Variants in LAMA4 observed in about 807,000 individuals in gnomAD.
LAMA4 encodes the protein laminin subunit alpha-4.
A neutral mutation model predicts 207.1 loss-of-function variants in LAMA4; 127 were observed. The ratio of observed to expected loss-of-function variants is 0.61; its 90% confidence interval spans 0.53 to 0.71. The LOEUF (loss-of-function observed/expected upper bound fraction) is 0.71. LAMA4 is among the 30% of genes least tolerant of loss of function. LAMA4 has a pLI of 0.00. For synonymous variants in LAMA4, 761 were observed against 816.0 expected (o/e 0.93, Z 1.15); for missense variants, 2,093 against 2,246.5 (o/e 0.93, Z 1.38).
chr6:112,175,995 G>A (rs1263649612), intron 10 of LAMA4, among the ~76,000 whole-genome samples: 1 of 152,204 alleles, frequency 6.6e-6, no homozygotes, highest in East Asian at 1.9e-4. Context: ...GCCCAAATGA[G>A]AGCATATTGA....
Position 112,117,690 on chromosome 6 carries a change from C to G in LAMA4, c.4981+49G>C. 1 of 1,564,872 alleles carries G rather than the reference C, an allele frequency of 6.4e-7. No individual in the cohort carries two copies. Among genetic ancestry groups the G allele is most frequent in the Non-Finnish European group, 8.8e-7 (1 of 1,139,290 alleles). ...GCCTGATATTCCCTGTTAGCCATCT[C>G]CAGGAAGAAGCATTTCATGACTCAT... is the stretch of plus-strand genomic sequence containing the variant. On this transcript the variant is annotated intron_variant, in intron 35 of 38. Transcript: ENST00000230538. The surrounding 1 kb of genome is among the most constrained non-coding windows in gnomAD (Gnocchi z 4.5).
At chr6:112,245,102 G>A (rs1554188411) in intron 2 of LAMA4, among the ~76,000 whole-genome samples, 11 of 152,140 alleles carry the variant, frequency 7.2e-5, no homozygotes, top group Non-Finnish European at 1.5e-5. Flanking sequence ...AACCACCTAG[G>A]ACTCAGGACA....
intron 5 of LAMA4, among the ~76,000 whole-genome samples, chr6:112,199,338 C>G (rs1040649298): frequency 6.6e-6 from 1 of 152,140 alleles, no homozygotes; most frequent in Non-Finnish European, 1.5e-5. Context: ...TTAACTCTCC[C>G]CGTGGGGGCC....
At chr6:112,122,556 C>T (rs1360977599) in intron 31 of LAMA4, among the ~76,000 whole-genome samples, 1 of 152,150 alleles carries the variant, frequency 6.6e-6, no homozygotes. Flanking sequence ...GACCCTGAAT[C>T]AATCAACAAA....
Position 112,118,721 on chromosome 6 carries a change from ATGTG to A in LAMA4, c.4821+431_4821+434del, listed in dbSNP as rs4036073. On this transcript the variant is annotated intron_variant, in intron 34 of 38. Coordinates refer to ENST00000230538, the MANE Select transcript of LAMA4 (RefSeq NM_001105206.3). The surrounding 1 kb of genome is among the most constrained non-coding windows in gnomAD (Gnocchi z 4.6). ...TTACAAATTGTGTGTGTGTGTGTGT[ATGTG>A]TGTGTGTGTGTGTGTGTGTGTAAGA... 1.5e-3 allele frequency among the ~76,000 whole-genome samples: 220 copies of A among 148,428 alleles called. No homozygotes were observed. The highest frequency in any genetic ancestry group is 3.2e-3 in the African/African-American group (129 of 40,552).
intron 9 of LAMA4, among the ~76,000 whole-genome samples, chr6:112,184,799 G>T (rs979796871): frequency 6.6e-6 from 1 of 152,054 alleles, no homozygotes; most frequent in Non-Finnish European, 1.5e-5. Context: ...GCCAAAGAGC[G>T]AAATTGCTTT....
At chr6:112,154,978 A>G in intron 15 of LAMA4, 31 bp from the exon 16 acceptor site, 1 of 1,411,250 alleles carries the variant, frequency 7.1e-7, no homozygotes, top group Non-Finnish European at 1.0e-6. Flanking sequence ...GAGGGTAAAA[A>G]TGACAGCAGA....
intron 18 of LAMA4, among the ~76,000 whole-genome samples, chr6:112,146,275 G>A (rs1294574714): frequency 2.0e-5 from 3 of 151,542 alleles, no homozygotes; most frequent in African/African-American, 7.3e-5. Context: ...GGGCGACAGA[G>A]CGAGACTATG....
intron 21 of LAMA4, 59 bp downstream of exon 21, chr6:112,141,299 C>T (rs1317904140): frequency 6.0e-6 from 9 of 1,502,430 alleles, no homozygotes; most frequent in African/African-American, 4.1e-5. Context: ...CACATGTGCA[C>T]GTTCAACAGG....
intron 2 of LAMA4, chr6:112,236,488 T>C (rs1554366068): frequency 6.6e-6 from 1 of 152,242 alleles, no homozygotes; most frequent in Admixed American, 6.5e-5. Flanking sequence ...TCAGTAGTCA[T>C]TGGAAATTCC....
chr6:112,133,602 C>A, intron 26 of LAMA4, 115 bp from the exon 27 acceptor site: 1 of 1,243,518 alleles, frequency 8.0e-7, no homozygotes, highest in Non-Finnish European at 1.2e-6. Context: ...TATAATCATT[C>A]ATATTCTCAT....
chr6:112,140,269 C>G (rs1005986062), intron 22 of LAMA4, among the ~76,000 whole-genome samples: 1 of 152,124 alleles, frequency 6.6e-6, no homozygotes, highest in Non-Finnish European at 1.5e-5. Context: ...GAAATTGGAA[C>G]CCTAGATCAA....
chr6:112,197,960 A>G (rs1307786894), intron 5 of LAMA4, among the ~76,000 whole-genome samples: 1 of 152,240 alleles, frequency 6.6e-6, no homozygotes. Flanking sequence ...TAAAGTTATT[A>G]TTAAAATTAA....
At chr6:112,134,977 C>T (rs1472378336) in intron 25 of LAMA4, among the ~76,000 whole-genome samples, 1 of 152,038 alleles carries the variant, frequency 6.6e-6, no homozygotes, top group Non-Finnish European at 1.5e-5. Context: ...GTCTAGTTGA[C>T]ATACAAAGAA....
In LAMA4 at chr6:112,148,243, G is replaced by A. The variant is rs1780154224; in HGVS notation, c.2267C>T (p.Ala756Val). 6.2e-7 allele frequency: 1 copy of A among 1,614,116 alleles called. No homozygotes were observed. The highest frequency in any genetic ancestry group is 1.1e-5 in the South Asian group (1 of 91,078). The part of the protein sequence containing the change: ...MEVQQATAPM[A>V]NNLTNWSQNL... ...CTGTGACCAGTTGGTTAGATTGTTGGCCATGGGGGCAGTGGCCTGCTGCAC... is the reference window on the plus strand; with the variant it reads ...CTGTGACCAGTTGGTTAGATTGTTGACCATGGGGGCAGTGGCCTGCTGCAC... The change falls in exon 18 of 39, where the codon GCC becomes GTC. Residue 756 changes from alanine (A) to valine (V), a missense_variant. Transcript: ENST00000230538.
intron 2 of LAMA4, among the ~76,000 whole-genome samples, chr6:112,237,254 C>T (rs1785999644): frequency 6.6e-6 from 1 of 152,212 alleles, no homozygotes; most frequent in South Asian, 2.1e-4. Flanking sequence ...GGAGCTATTA[C>T]AGGGGTGCTC....
Position 112,142,262 on chromosome 6 carries a change from A to T in LAMA4, c.2524T>A (p.Ser842Thr). The T allele has an allele frequency of 6.2e-7, 1 of 1,614,074 alleles. No individual in the cohort carries two copies. The highest frequency in any genetic ancestry group is 1.1e-5 in the South Asian group (1 of 91,076). Residue 842 changes from serine to threonine, a missense_variant, in exon 20 of 39, where the codon TCA becomes ACA. Ser to Thr is a moderately conservative substitution (Grantham distance 58). Around this residue, in one of 3 missense-constraint regions of LAMA4, gnomAD observed 1,704 missense variants for 1,788.4 expected, o/e 0.95. Coordinates refer to ENST00000230538, the MANE Select transcript of LAMA4 (RefSeq NM_001105206.3). Reference protein sequence around the residue: ...IQVSMMFDGQSAVEVHSRTSM... With the variant: ...IQVSMMFDGQTAVEVHSRTSM... Reference sequence around the variant, plus strand: ...GTTCTCGAGTGCACTTCCACAGCTGACTGGCCATCAAACATCATGGAGACT... The same window carrying T: ...GTTCTCGAGTGCACTTCCACAGCTGTCTGGCCATCAAACATCATGGAGACT...
At chr6:112,253,878 G>C in intron 2 of LAMA4, 78 bp downstream of exon 2, 1 of 1,614,206 alleles carries the variant, frequency 6.2e-7, no homozygotes, top group Non-Finnish European at 8.5e-7. Context: ...GAGGCGGAGA[G>C]AGAGAGAAGG....
chr6:112,183,842 C>T (rs1583823356), intron 9 of LAMA4, among the ~76,000 whole-genome samples: 2 of 150,552 alleles, frequency 1.3e-5, no homozygotes, highest in Admixed American at 1.3e-4. Context: ...TCCCAGCTAC[C>T]CAGGAGGCTG....
Sources: gnomAD v4.1 joint callset for allele counts (sites outside exome capture counted in the v4.1 genomes callset) on GRCh38, gnomAD v4.1.1 for gene constraint, gnomAD v4.1.1 regional missense constraint, Gnocchi (gnomAD v3.1) non-coding constraint, MANE v1.5 for transcripts, NCBI Gene and HGNC (gene_info 2026-07-23, HGNC 2026-07-21) for gene names.